The following CTNND2 variants were observed in gnomAD, a reference collection of about 807,000 sequenced individuals.
CTNND2 encodes catenin delta-2.
A neutral mutation model predicts 144.4 loss-of-function variants in CTNND2; 22 were observed. The ratio of observed to expected loss-of-function variants is 0.15; its 90% CI spans 0.11 to 0.22. The LOEUF (loss-of-function observed/expected upper bound fraction) is 0.22. CTNND2 is among the 10% of genes least tolerant of loss of function. The pLI is 1.00. For synonymous variants in CTNND2, 751 were observed against 695.6 expected, an observed-to-expected ratio of 1.08 and a Z score of -1.25; for missense variants, 1,353 against 1,618.8, an observed-to-expected ratio of 0.84 and a Z score of 2.82.
At chr5:11,795,335 G>T (rs908930177) in intron 1 of CTNND2, among the ~76,000 whole-genome samples, 1 of 152,168 alleles carries the variant, frequency 6.6e-6, no homozygotes, top group African/African-American at 2.4e-5. Context: ...GATACAAACC[G>T]CAGGGAAGGA....
chr5:11,589,008 C>T, intron 2 of CTNND2: 2 of 985,348 alleles, frequency 2.0e-6, no homozygotes, highest in Non-Finnish European at 2.4e-6. Flanking sequence ...TCTGCTTTCA[C>T]TCGCAAACAG....
At chr5:11,057,362 A>C (rs182013921) in intron 16 of CTNND2, among the ~76,000 whole-genome samples, 1 of 152,282 alleles carries the variant, frequency 6.6e-6, no homozygotes, top group East Asian at 1.9e-4. Flanking sequence ...AATCATGGGG[A>C]CAGGTCTTTC....
chr5:11,452,469 G>T (rs190602849), intron 3 of CTNND2, among the ~76,000 whole-genome samples: 144 of 152,310 alleles, frequency 9.5e-4, no homozygotes, highest in African/African-American at 3.2e-3. Flanking sequence ...CTAAACAGGT[G>T]TAAAAGTGCT....
At chr5:11,189,407 G>GC (rs1215729505) in intron 11 of CTNND2, among the ~76,000 whole-genome samples, 3 of 151,962 alleles carry the variant, frequency 2.0e-5, no homozygotes, top group Non-Finnish European at 4.4e-5. Flanking sequence ...TTCCACTTCT[G>GC]CCACCCCTGA....
intron 1 of CTNND2, among the ~76,000 whole-genome samples, chr5:11,864,353 G>A (rs768944384): frequency 2.5e-4 from 38 of 152,210 alleles, no homozygotes; most frequent in Non-Finnish European, 4.1e-4. Flanking sequence ...AAATGTGGAT[G>A]CCACAATAAG....
At chr5:11,266,655 C>T (rs1745465695) in intron 9 of CTNND2, among the ~76,000 whole-genome samples, 1 of 152,178 alleles carries the variant, frequency 6.6e-6, no homozygotes, top group African/African-American at 2.4e-5. Context: ...ATTAGCTGTA[C>T]ACTATTAAGT....
At chr5:11,503,278 G>A (rs1002723023) in intron 3 of CTNND2, among the ~76,000 whole-genome samples, 3 of 152,146 alleles carry the variant, frequency 2.0e-5, no homozygotes, top group Admixed American at 6.5e-5. Flanking sequence ...ATATTGTTAC[G>A]CTTAGTGAGG....
At chr5:11,758,402 GTTATT>G (rs1789070021) in intron 1 of CTNND2, among the ~76,000 whole-genome samples, 1 of 151,920 alleles carries the variant, frequency 6.6e-6, no homozygotes, top group Admixed American at 6.6e-5. Flanking sequence ...ATGCAATGCA[GTTATT>G]TTAGTCACTA....
At chr5:11,707,304 T>C (rs1306106289) in intron 2 of CTNND2, among the ~76,000 whole-genome samples, 1 of 152,156 alleles carries the variant, frequency 6.6e-6, no homozygotes, top group East Asian at 1.9e-4. Flanking sequence ...AAGGTGTGAC[T>C]GCAGAAACAG....
chr5:11,271,993 G>C (rs1005990725), intron 9 of CTNND2, among the ~76,000 whole-genome samples: 4 of 151,554 alleles, frequency 2.6e-5, no homozygotes, highest in Non-Finnish European at 4.4e-5. Context: ...AAGCTGTTTT[G>C]GGAATAATAC....
chr5:11,443,481 A>G (rs139204676), intron 3 of CTNND2, among the ~76,000 whole-genome samples: 1,854 of 150,764 alleles, frequency 0.012, 47 homozygotes, highest in African/African-American at 0.043. Flanking sequence ...GCATACATAT[A>G]TATGTGCATA....
chr5:11,323,365 T>TC (rs937029518), intron 9 of CTNND2, among the ~76,000 whole-genome samples: 1 of 152,100 alleles, frequency 6.6e-6, no homozygotes, highest in African/African-American at 2.4e-5. Flanking sequence ...CTGACTTTTT[T>TC]CCCACATACT....
chr5:11,537,054 G>A (rs181896081), intron 3 of CTNND2, among the ~76,000 whole-genome samples: 1 of 108,550 alleles, frequency 9.2e-6, no homozygotes. Flanking sequence ...GGCAGCAGGT[G>A]GGGGGAAGGA....
At chr5:11,623,808 G>GTATATA (rs58954001) in intron 2 of CTNND2, among the ~76,000 whole-genome samples, 367 of 40,564 alleles carry the variant, frequency 9.0e-3, no homozygotes, top group Non-Finnish European at 0.011. Flanking sequence ...ATGTGTGTAT[G>GTATATA]TATATATATA....
rs1777472313 is a variant in CTNND2 at position 11,570,450 on chromosome 5, G to T, written c.175-5394C>A. ...GAGAGGTATTATGTTCTGACACTTT[G>T]CACATCTTTATATGTTTTTATTCTA... On this transcript the variant is annotated intron_variant, in intron 2 of 21. Transcript: ENST00000304623. Among the ~76,000 whole-genome samples the T allele has an allele frequency of 2.0e-5, 3 of 152,086 alleles. No homozygotes were observed. The South Asian group carries it at 6.2e-4, about 32-fold the overall frequency.
At chr5:11,592,654 A>C (rs1779313070) in intron 2 of CTNND2, among the ~76,000 whole-genome samples, 1 of 152,026 alleles carries the variant, frequency 6.6e-6, no homozygotes, top group Non-Finnish European at 1.5e-5. Flanking sequence ...ATAGTGGGGG[A>C]AAGCCCTCAA....
intron 2 of CTNND2, among the ~76,000 whole-genome samples, chr5:11,680,494 T>A (rs943140564): frequency 5.3e-5 from 8 of 151,938 alleles, no homozygotes; most frequent in African/African-American, 1.9e-4. Flanking sequence ...CTACAACAAA[T>A]GGAATCATGC....
chr5:11,889,770 A>G (rs1378371797), intron 1 of CTNND2, among the ~76,000 whole-genome samples: 2 of 152,216 alleles, frequency 1.3e-5, no homozygotes, highest in African/African-American at 4.8e-5. Flanking sequence ...ACAAGAATTC[A>G]CTTCTAACAT....
intron 9 of CTNND2, among the ~76,000 whole-genome samples, chr5:11,329,180 G>C (rs533993299): frequency 1.3e-5 from 2 of 152,270 alleles, no homozygotes; most frequent in Admixed American, 1.3e-4. Flanking sequence ...TTTTGAGACA[G>C]AGTCTTGCTC....
Sources: gnomAD v4.1 joint callset for allele counts (sites outside exome capture counted in the v4.1 genomes callset) on GRCh38, gnomAD v4.1.1 for gene constraint, MANE v1.5 for transcripts, NCBI Gene and HGNC (gene_info 2026-07-23, HGNC 2026-07-21) for gene names.